MMP16: variants seen among roughly 807,000 people sequenced by gnomAD.
MMP16 encodes matrix metalloproteinase-16.
Under a neutral mutation model 67.8 loss-of-function variants are expected in MMP16, and 12 were observed. The ratio of observed to expected loss-of-function variants is 0.18; its 90% CI spans 0.11 to 0.29. MMP16 has a LOEUF of 0.29. Ranked by LOEUF, MMP16 falls within the 10% of genes least tolerant of loss-of-function variation. MMP16 has a pLI of 1.00. For missense variants in MMP16, 475 were observed against 765.7 expected, an observed-to-expected ratio of 0.62 and a Z score of 4.48; for synonymous variants, 249 against 255.9, an observed-to-expected ratio of 0.97 and a Z score of 0.26.
intron 1 of MMP16, among the ~76,000 whole-genome samples, chr8:88,268,591 T>G (rs560482805): frequency 2.6e-5 from 4 of 152,096 alleles, no homozygotes; most frequent in Non-Finnish European, 5.9e-5. Context: ...GTTAAAAGGG[T>G]AGGAGAGGAC....
intron 4 of MMP16, among the ~76,000 whole-genome samples, chr8:88,129,802 C>T (rs188505828): frequency 4.0e-5 from 6 of 151,484 alleles, no homozygotes; most frequent in Non-Finnish European, 7.4e-5. Context: ...GTAGGTTTCA[C>T]ATATATGTAT....
At chr8:88,046,055 C>A (rs917245013) in intron 9 of MMP16, among the ~76,000 whole-genome samples, 1 of 152,148 alleles carries the variant, frequency 6.6e-6, no homozygotes, top group Admixed American at 6.5e-5. Context: ...TATATGCCAA[C>A]AGATAGGGGA....
intron 4 of MMP16, among the ~76,000 whole-genome samples, chr8:88,160,450 A>T (rs950554763): frequency 2.6e-5 from 4 of 152,020 alleles, no homozygotes; most frequent in African/African-American, 9.7e-5. Flanking sequence ...AAAACAAACA[A>T]CCCCATCAAA....
chr8:88,068,736 C>A (rs1808495327), intron 7 of MMP16, among the ~76,000 whole-genome samples: 1 of 152,032 alleles, frequency 6.6e-6, no homozygotes, highest in Admixed American at 6.6e-5. Flanking sequence ...GAGTCTTGCT[C>A]TATCACCCAG....
intron 6 of MMP16, among the ~76,000 whole-genome samples, chr8:88,083,086 A>G (rs997769593): frequency 9.9e-5 from 15 of 152,186 alleles, no homozygotes; most frequent in African/African-American, 3.4e-4. Flanking sequence ...ACAAAAGTTA[A>G]TATGTTAATG....
chr8:88,096,848 G>A (rs1047029027), intron 6 of MMP16, among the ~76,000 whole-genome samples: 3 of 151,888 alleles, frequency 2.0e-5, no homozygotes, highest in Non-Finnish European at 4.4e-5. Context: ...TTGGAAACGC[G>A]AGAAAACACC....
Position 88,297,246 on chromosome 8 carries a change from C to T in MMP16, c.132+29829G>A, listed in dbSNP as rs1372510294. Among the ~76,000 whole-genome samples the T allele has an allele frequency of 2.6e-5, 4 of 152,144 alleles. No individual in the cohort carries two copies. The East Asian group carries it at 7.8e-4, about 30-fold the overall frequency. On this transcript the variant is annotated intron_variant, in intron 1 of 9. Transcript: ENST00000286614. The stretch of plus-strand genomic sequence containing the variant: ...TTTGTTAAAGGCAATACAGTCCTAC[C>T]ACCAAAGGCTGCTATTAATGGAAGA...
chr8:88,235,571 T>C (rs529222586), intron 1 of MMP16, among the ~76,000 whole-genome samples: 2 of 152,118 alleles, frequency 1.3e-5, no homozygotes, highest in African/African-American at 4.8e-5. Flanking sequence ...GTAATCCTAG[T>C]AGATCCTACT....
intron 1 of MMP16, among the ~76,000 whole-genome samples, chr8:88,309,387 T>G (rs1811260906): frequency 6.6e-6 from 1 of 151,678 alleles, no homozygotes; most frequent in African/African-American, 2.4e-5. Context: ...ATAATGCATT[T>G]TTATGGGAAG....
chr8:88,124,913 C>T (rs765426028), intron 4 of MMP16, among the ~76,000 whole-genome samples: 21 of 151,902 alleles, frequency 1.4e-4, no homozygotes, highest in Admixed American at 2.6e-4. Context: ...AAAAAGGAAG[C>T]TTGCTGGTGT....
rs898207762 is a variant in MMP16 at position 88,039,782 on chromosome 8, A to G, written c.*1679T>C. The G allele has an allele frequency of 7.9e-5, 12 of 152,636 alleles. No homozygotes were observed. The highest frequency in any genetic ancestry group is 2.4e-4 in the African/African-American group (10 of 41,464). The allele number at this position is 152,636 out of a possible 1,614,324, so 9.5% of individuals were successfully genotyped here. On this transcript the variant is annotated 3_prime_UTR_variant, in exon 10 of 10. Transcript: ENST00000286614. This position sits in a 1 kb window ranked among gnomAD's most constrained non-coding sequence, Gnocchi z 4.5. ...TGCAAGAAGCAGCTCCTAAAAATCA[A>G]TAAAGAGGTCTGTCAGTTGCTGACT...
intron 1 of MMP16, among the ~76,000 whole-genome samples, chr8:88,289,984 C>CA (rs1167263142): frequency 6.6e-6 from 1 of 152,134 alleles, no homozygotes; most frequent in Non-Finnish European, 1.5e-5. Flanking sequence ...GAAGGCAGAA[C>CA]TCTCGCTTTA....
At chr8:88,093,936 T>C (rs1360878601) in intron 6 of MMP16, among the ~76,000 whole-genome samples, 4 of 151,814 alleles carry the variant, frequency 2.6e-5, no homozygotes, top group African/African-American at 9.7e-5. Flanking sequence ...GGAAACAATC[T>C]CTACATGCTA....
At chr8:88,253,959 G>A (rs937326256) in intron 1 of MMP16, among the ~76,000 whole-genome samples, 4 of 151,622 alleles carry the variant, frequency 2.6e-5, no homozygotes, top group South Asian at 2.1e-4. Context: ...CCCATTACTG[G>A]GTATATACCC....
chr8:88,060,979 A>G (rs930101377), intron 7 of MMP16, among the ~76,000 whole-genome samples: 1 of 150,706 alleles, frequency 6.6e-6, no homozygotes, highest in Non-Finnish European at 1.5e-5. Flanking sequence ...AAATTTTACA[A>G]CCACTAGCAA....
intron 6 of MMP16, among the ~76,000 whole-genome samples, chr8:88,096,591 T>C: frequency 6.6e-6 from 1 of 151,900 alleles, no homozygotes; most frequent in East Asian, 1.9e-4. Flanking sequence ...TTTAGGTTCC[T>C]AGTCTTTCAT....
intron 6 of MMP16, among the ~76,000 whole-genome samples, chr8:88,081,510 G>A (rs1808750859): frequency 6.6e-6 from 1 of 152,108 alleles, no homozygotes; most frequent in African/African-American, 2.4e-5. Context: ...AGCTACTTGG[G>A]AGGCTGATGG....
intron 1 of MMP16, among the ~76,000 whole-genome samples, chr8:88,235,598 G>A (rs1385956486): frequency 1.3e-5 from 2 of 151,950 alleles, no homozygotes; most frequent in African/African-American, 4.8e-5. Flanking sequence ...AATCCTACTA[G>A]GAAAACAAAA....
chr8:88,245,123 C>T (rs1394365301), intron 1 of MMP16, among the ~76,000 whole-genome samples: 3 of 152,130 alleles, frequency 2.0e-5, no homozygotes, highest in African/African-American at 4.8e-5. Flanking sequence ...TCTCTCAACC[C>T]TGAATTGTTT....
Sources: allele counts gnomAD v4.1 joint callset (sites outside exome capture counted in the v4.1 genomes callset), GRCh38; gene constraint gnomAD v4.1.1; non-coding constraint Gnocchi (gnomAD v3.1); transcripts MANE v1.5; gene names NCBI Gene and HGNC (gene_info 2026-07-23, HGNC 2026-07-21).